The following AK8 variants were observed in gnomAD, a reference collection of about 807,000 sequenced individuals.
AK8 encodes the protein adenylate kinase 8, also known as ATP-AMP transphosphorylase 8.
A neutral mutation model predicts 54.6 loss-of-function variants in AK8; 44 were observed. The observed-to-expected ratio is 0.81, with a 90% CI of 0.63 to 1.04. The LOEUF (loss-of-function observed/expected upper bound fraction) is 1.04. Ranked by LOEUF, AK8 falls within the 50% of genes least tolerant of loss-of-function variation. The pLI, the probability that AK8 is intolerant of heterozygous loss-of-function variation, is 0.00. For missense variants in AK8, 555 were observed against 613.6 expected, an observed-to-expected ratio of 0.90 and a Z score of 1.01; for synonymous variants, 239 against 245.6, an observed-to-expected ratio of 0.97 and a Z score of 0.25.
intron 11 of AK8, among the ~76,000 whole-genome samples, chr9:132,772,474 G>A (rs1431713383): frequency 6.6e-6 from 1 of 152,152 alleles, no homozygotes; most frequent in Non-Finnish European, 1.5e-5. Flanking sequence ...AGGCACCCAG[G>A]GCACACGTGC....
At chr9:132,789,871 ACT>A (rs1428491589) in intron 11 of AK8, among the ~76,000 whole-genome samples, 3 of 152,092 alleles carry the variant, frequency 2.0e-5, no homozygotes, top group East Asian at 1.9e-4. Flanking sequence ...TCAGGAGGAA[ACT>A]CTGCTTTTAA....
intron 5 of AK8, among the ~76,000 whole-genome samples, chr9:132,854,504 C>A (rs1338292675): frequency 6.6e-6 from 1 of 152,206 alleles, no homozygotes; most frequent in African/African-American, 2.4e-5. Flanking sequence ...TCTGGGGTAC[C>A]CCTAATTCTG....
At chr9:132,765,292 C>CAAAAAAAAAAAAAAAAAAAAAAAA (rs61495439) in intron 11 of AK8, among the ~76,000 whole-genome samples, 4 of 62,810 alleles carry the variant, frequency 6.4e-5, no homozygotes, top group Admixed American at 2.6e-4. Flanking sequence ...GACTCCATTT[C>CAAAAAAAAAAAAAAAAAAAAAAAA]AAAAAAAAAA....
At chr9:132,843,541 G>A (rs1391108471) in intron 5 of AK8, among the ~76,000 whole-genome samples, 1 of 152,168 alleles carries the variant, frequency 6.6e-6, no homozygotes, top group African/African-American at 2.4e-5. Flanking sequence ...TGCCCACAAA[G>A]GCCTGAGCAG....
chr9:132,873,386 T>G (rs1321273309), intron 2 of AK8, among the ~76,000 whole-genome samples: 3 of 152,244 alleles, frequency 2.0e-5, no homozygotes, highest in African/African-American at 7.2e-5. Flanking sequence ...CTCTCACGTC[T>G]CTACATTTTA....
At chr9:132,766,910 A>G (rs1195970233) in intron 11 of AK8, among the ~76,000 whole-genome samples, 1 of 152,248 alleles carries the variant, frequency 6.6e-6, no homozygotes, top group East Asian at 1.9e-4. Flanking sequence ...TGGAGCTGGG[A>G]AAACTGGATA....
chr9:132,811,703 C>T (rs910923413), intron 10 of AK8, among the ~76,000 whole-genome samples: 5 of 152,166 alleles, frequency 3.3e-5, no homozygotes, highest in South Asian at 2.1e-4. Flanking sequence ...ATGGTGGGAG[C>T]GTATGGCAGT....
At chr9:132,864,501 C>T (rs1331013418) in intron 3 of AK8, among the ~76,000 whole-genome samples, 3 of 152,200 alleles carry the variant, frequency 2.0e-5, no homozygotes, top group African/African-American at 7.2e-5. Context: ...GACACCTGAC[C>T]AGCTAGCCCA....
At chr9:132,757,105 C>T (rs1308552840) in intron 11 of AK8, among the ~76,000 whole-genome samples, 1 of 151,840 alleles carries the variant, frequency 6.6e-6, no homozygotes, top group East Asian at 1.9e-4. Flanking sequence ...CAGCAGTTGC[C>T]GTGGGCACCC....
At chr9:132,736,682 G>A (rs1564373246) in intron 11 of AK8, among the ~76,000 whole-genome samples, 1 of 151,286 alleles carries the variant, frequency 6.6e-6, no homozygotes, top group Non-Finnish European at 1.5e-5. Context: ...CTACTCCGGA[G>A]GCTGAAGCAG....
chr9:132,874,010 G>C (rs1843974461), intron 2 of AK8, among the ~76,000 whole-genome samples: 1 of 152,184 alleles, frequency 6.6e-6, no homozygotes, highest in African/African-American at 2.4e-5. Flanking sequence ...TCAGACACGG[G>C]GAAGGGGGTC....
At position 132,781,930 on chromosome 9, in the gene AK8, G is replaced by A. The variant is rs1202151690; in HGVS notation, c.1121+10704C>T. On this transcript the variant is annotated intron_variant, in intron 11 of 12. Coordinates refer to ENST00000298545, the MANE Select transcript of AK8 (RefSeq NM_152572.3). The surrounding 1 kb of genome is among the most constrained non-coding windows in gnomAD (Gnocchi z 4.6). ...ACTGAAAGCTAAGGTGCTGGAGATG[G>A]AAGAGACAGAGATGAGAAAGGAGGA... Among the ~76,000 whole-genome samples the A allele has an allele frequency of 6.6e-6, 1 of 152,198 alleles. No individual in the cohort carries two copies. Among genetic ancestry groups the A allele is most frequent in the African/African-American group, 2.4e-5 (1 of 41,444 alleles).
intron 5 of AK8, among the ~76,000 whole-genome samples, chr9:132,835,604 G>C (rs938062580): frequency 3.3e-5 from 5 of 152,192 alleles, no homozygotes; most frequent in Non-Finnish European, 7.3e-5. Flanking sequence ...CTTTCAACCA[G>C]TCACTTCATC....
At chr9:132,843,043 AC>A (rs1842606070) in intron 5 of AK8, among the ~76,000 whole-genome samples, 1 of 152,030 alleles carries the variant, frequency 6.6e-6, no homozygotes, top group African/African-American at 2.4e-5. Context: ...TCCTGCCCCC[AC>A]TCAAGGGGAG....
intron 4 of AK8, 59 bp downstream of exon 4, chr9:132,863,606 G>C (rs1222586623): frequency 8.6e-6 from 10 of 1,165,104 alleles, no homozygotes; most frequent in Non-Finnish European, 1.3e-5. Flanking sequence ...AGGTGGCAGT[G>C]GGTGTGGCAG....
intron 4 of AK8, among the ~76,000 whole-genome samples, chr9:132,858,870 G>A (rs214638): frequency 0.21 from 31,685 of 152,072 alleles, 3,583 homozygotes; most frequent in East Asian, 0.44. Context: ...ACAGGCGCAC[G>A]GAAGGACGTG....
intron 11 of AK8, among the ~76,000 whole-genome samples, chr9:132,751,392 A>C (rs1047206565): frequency 6.6e-5 from 10 of 150,494 alleles, no homozygotes; most frequent in South Asian, 4.2e-4. Flanking sequence ...AAAAAAAAAA[A>C]AAAACAAAAA....
rs768266011 is a variant in AK8 at position 132,843,434 on chromosome 9, A to G, written c.402+11423T>C. Among the ~76,000 whole-genome samples the G allele has an allele frequency of 1.6e-4, 25 of 152,180 alleles. 1 individual carries two copies. Among genetic ancestry groups the G allele is most frequent in the Non-Finnish European group, 3.7e-4 (25 of 68,044 alleles). On this transcript the variant is annotated intron_variant, in intron 5 of 12. Coordinates refer to ENST00000298545, the MANE Select transcript of AK8 (RefSeq NM_152572.3). ...TGCTTCTCTTATAGCCTGCGGAACC[A>G]TGAGCCAATTAAACCTCATTTCTTT...
intron 5 of AK8, among the ~76,000 whole-genome samples, chr9:132,835,887 G>A (rs915301870): frequency 6.6e-6 from 1 of 152,208 alleles, no homozygotes; most frequent in African/African-American, 2.4e-5. Flanking sequence ...ACTTTGGGAG[G>A]CCGAGGTGGG....
Sources: allele counts gnomAD v4.1 joint callset (sites outside exome capture counted in the v4.1 genomes callset), GRCh38; gene constraint gnomAD v4.1.1; non-coding constraint Gnocchi (gnomAD v3.1); transcripts MANE v1.5; gene names NCBI Gene and HGNC (gene_info 2026-07-23, HGNC 2026-07-21).